SLC39A11: variants seen among roughly 807,000 people sequenced by gnomAD.
SLC39A11 encodes the protein solute carrier family 39 member 11, also known as zinc transporter ZIP11.
SLC39A11 carries 33 observed loss-of-function variants against 36.1 expected under a neutral mutation model. That is an observed-to-expected ratio of 0.91 (90% confidence interval 0.69 to 1.22). The LOEUF (loss-of-function observed/expected upper bound fraction) is 1.22, where lower values mean the gene tolerates loss of function less well. SLC39A11 is among the 50% of genes most tolerant of loss of function. The pLI is 0.00. For synonymous variants in SLC39A11, 166 were observed against 170.3 expected (o/e 0.97, Z 0.20); for missense variants, 432 against 430.3 (o/e 1.00, Z -0.03).
At chr17:72,684,931 C>T (rs935769390) in intron 7 of SLC39A11, among the ~76,000 whole-genome samples, 3 of 152,186 alleles carry the variant, frequency 2.0e-5, no homozygotes, top group Non-Finnish European at 4.4e-5. Flanking sequence ...ACGTTAAGCT[C>T]ATAGGCCATG....
chr17:72,925,994 C>A (rs2084027909), intron 5 of SLC39A11, among the ~76,000 whole-genome samples: 1 of 152,218 alleles, frequency 6.6e-6, no homozygotes. Context: ...ACCCAGACAA[C>A]TGAAATCAAT....
chr17:72,683,931 C>CTGCCTGACCCTT (rs1274739557), intron 7 of SLC39A11, among the ~76,000 whole-genome samples: 1 of 152,112 alleles, frequency 6.6e-6, no homozygotes, highest in Non-Finnish European at 1.5e-5. Context: ...GGGAATCACC[C>CTGCCTGACCCTT]TGCCTGACCC....
intron 5 of SLC39A11, among the ~76,000 whole-genome samples, chr17:72,883,386 A>C (rs2081300260): frequency 6.6e-6 from 1 of 152,240 alleles, no homozygotes; most frequent in South Asian, 2.1e-4. Context: ...TGAAAATCAC[A>C]GAGATGACCC....
intron 4 of SLC39A11, among the ~76,000 whole-genome samples, chr17:72,971,579 G>A (rs766343206): frequency 3.9e-5 from 6 of 152,188 alleles, no homozygotes; most frequent in Non-Finnish European, 8.8e-5. Flanking sequence ...CAGCACTTGT[G>A]ATCAACAGCA....
intron 6 of SLC39A11, among the ~76,000 whole-genome samples, chr17:72,790,599 A>G (rs2076669699): frequency 1.3e-5 from 2 of 151,296 alleles, no homozygotes; most frequent in Non-Finnish European, 2.9e-5. Context: ...TGGTACGATC[A>G]TGGCTCACTG....
At chr17:72,726,524 A>ACACACACACACACAAT (rs1491192142) in intron 7 of SLC39A11, among the ~76,000 whole-genome samples, 3 of 151,644 alleles carry the variant, frequency 2.0e-5, no homozygotes, top group Admixed American at 2.0e-4. Context: ...ACACACACAA[A>ACACACACACACACAAT]CACACACACA....
At chr17:73,021,671 A>G (rs1160532057) in intron 4 of SLC39A11, among the ~76,000 whole-genome samples, 1 of 152,140 alleles carries the variant, frequency 6.6e-6, no homozygotes, top group East Asian at 1.9e-4. Context: ...ACCCTCGGCT[A>G]TCGACTGGTT....
At chr17:72,842,580 T>C (rs1243038419) in intron 6 of SLC39A11, among the ~76,000 whole-genome samples, 3 of 152,200 alleles carry the variant, frequency 2.0e-5, no homozygotes, top group Non-Finnish European at 4.4e-5. Context: ...GGGCCAGGAA[T>C]CTTTGGAAGG....
intron 6 of SLC39A11, among the ~76,000 whole-genome samples, chr17:72,834,125 T>C (rs904235393): frequency 2.0e-5 from 3 of 152,106 alleles, no homozygotes; most frequent in African/African-American, 7.2e-5. Flanking sequence ...TCTAGTGCAG[T>C]GTCATCCAGT....
intron 4 of SLC39A11, among the ~76,000 whole-genome samples, chr17:73,012,361 G>A (rs549602761): frequency 6.6e-5 from 10 of 152,274 alleles, no homozygotes; most frequent in Non-Finnish European, 8.8e-5. Flanking sequence ...CATTTTCCAT[G>A]ATGTGATCGT....
intron 5 of SLC39A11, among the ~76,000 whole-genome samples, chr17:72,899,326 C>T (rs1315177042): frequency 1.4e-5 from 2 of 142,630 alleles, no homozygotes; most frequent in African/African-American, 6.1e-5. Flanking sequence ...ACCTGCCAAA[C>T]CCAACTACAG....
At chr17:72,753,078 G>A (rs549119914) in intron 6 of SLC39A11, among the ~76,000 whole-genome samples, 208 of 150,636 alleles carry the variant, frequency 1.4e-3, no homozygotes, top group African/African-American at 4.9e-3. Flanking sequence ...GGCTGGTCTC[G>A]AACTCCTGGA....
In SLC39A11 at chr17:72,668,338, G is replaced by T. The variant is rs377501445; in HGVS notation, c.672-19070C>A. Among the ~76,000 whole-genome samples, 166 of 151,592 alleles carry T rather than the reference G, an allele frequency of 1.1e-3. 1 individual carries two copies. The highest frequency in any genetic ancestry group is 3.8e-3 in the African/African-American group (159 of 41,336). Reference sequence around the variant, plus strand: ...AAAAATTCCCTAGCTCTGATTAGATGCTGAGTTTAACTGGCTCTGACGGAT... The same window carrying T: ...AAAAATTCCCTAGCTCTGATTAGATTCTGAGTTTAACTGGCTCTGACGGAT... On this transcript the variant is annotated intron_variant, in intron 7 of 9. Coordinates refer to ENST00000255559, the MANE Select transcript of SLC39A11 (RefSeq NM_139177.4).
chr17:73,073,088 A>G (rs901274745), intron 3 of SLC39A11, among the ~76,000 whole-genome samples: 5 of 152,166 alleles, frequency 3.3e-5, no homozygotes, highest in Admixed American at 1.3e-4. Context: ...GCCAAGGCAC[A>G]AGAATTTCTT....
intron 7 of SLC39A11, among the ~76,000 whole-genome samples, chr17:72,685,608 C>T (rs569992584): frequency 1.5e-4 from 23 of 152,178 alleles, no homozygotes; most frequent in Non-Finnish European, 3.1e-4. Flanking sequence ...TTTACCAGGT[C>T]CCCCTCATAC....
chr17:72,904,890 A>G (rs539737545), intron 5 of SLC39A11, among the ~76,000 whole-genome samples: 1 of 152,256 alleles, frequency 6.6e-6, no homozygotes, highest in East Asian at 1.9e-4. Context: ...AAAAGATAGC[A>G]CGGCTGGGCA....
At chr17:72,828,673 G>A (rs145461818) in intron 6 of SLC39A11, among the ~76,000 whole-genome samples, 139 of 152,330 alleles carry the variant, frequency 9.1e-4, no homozygotes, top group African/African-American at 3.2e-3. Flanking sequence ...TTTCGCACCT[G>A]TGGGCCATGG....
chr17:73,071,681 T>C (rs1319524451), intron 3 of SLC39A11, among the ~76,000 whole-genome samples: 1 of 152,210 alleles, frequency 6.6e-6, no homozygotes, highest in Non-Finnish European at 1.5e-5. Context: ...ATAGTAAATA[T>C]TTTAGGCTTT....
At chr17:72,721,317 G>A (rs953167236) in intron 7 of SLC39A11, among the ~76,000 whole-genome samples, 33 of 151,996 alleles carry the variant, frequency 2.2e-4, no homozygotes, top group African/African-American at 7.0e-4. Flanking sequence ...GTCTGGTCTC[G>A]ATCTCCTGAC....
Sources: allele counts gnomAD v4.1 joint callset (sites outside exome capture counted in the v4.1 genomes callset), GRCh38; gene constraint gnomAD v4.1.1; transcripts MANE v1.5; gene names NCBI Gene and HGNC (gene_info 2026-07-23, HGNC 2026-07-21).